Variants in NIBAN1 observed in about 807,000 individuals in gnomAD.
NIBAN1 encodes niban apoptosis regulator 1.
In NIBAN1, 81 loss-of-function variants were observed where a neutral mutation model predicts 75.1. The ratio of observed to expected loss-of-function variants is 1.08; its 90% CI spans 0.90 to 1.30. NIBAN1 has a LOEUF of 1.30. NIBAN1 is among the 50% of genes most tolerant of loss of function. The probability of loss-of-function intolerance (pLI) is 0.00; values close to 1 mark genes in which losing one functional copy is unlikely to be tolerated. For synonymous variants in NIBAN1, 436 were observed against 424.8 expected (o/e 1.03, Z -0.32); for missense variants, 1,133 against 1,128.1 (o/e 1.00, Z -0.06).
At chr1:184,960,623 ATGT>A (rs59022150) in intron 1 of NIBAN1, among the ~76,000 whole-genome samples, 12 of 150,224 alleles carry the variant, frequency 8.0e-5, no homozygotes, top group South Asian at 6.3e-4. Context: ...CAACAACAAA[ATGT>A]TGTTGTTGTT....
chr1:184,820,577 G>A (rs184114348), intron 8 of NIBAN1, among the ~76,000 whole-genome samples: 330 of 152,346 alleles, frequency 2.2e-3, no homozygotes, highest in African/African-American at 7.7e-3. Flanking sequence ...TAAGTTCCAT[G>A]TCCCATTCGT....
chr1:184,851,623 T>A (rs1655537223), intron 5 of NIBAN1, among the ~76,000 whole-genome samples: 4 of 15,614 alleles, frequency 2.6e-4, no homozygotes, highest in South Asian at 1.5e-3. Flanking sequence ...AAACTTAGAG[T>A]ATAATAAAAA....
chr1:184,862,871 G>C (rs906012726), intron 5 of NIBAN1, among the ~76,000 whole-genome samples: 19 of 151,652 alleles, frequency 1.3e-4, no homozygotes, highest in African/African-American at 4.4e-4. Context: ...AAGTTCAGGG[G>C]TAAAAGTGCA....
chr1:184,947,885 T>G (rs542869505), intron 1 of NIBAN1, among the ~76,000 whole-genome samples: 1 of 152,198 alleles, frequency 6.6e-6, no homozygotes. Context: ...CTTACCCCCT[T>G]GGTAAGGGCA....
chr1:184,960,961 C>T (rs980062971), intron 1 of NIBAN1, among the ~76,000 whole-genome samples: 1 of 151,486 alleles, frequency 6.6e-6, no homozygotes, highest in African/African-American at 2.4e-5. Context: ...CATCCCCTCC[C>T]ATCAAACCTC....
intron 1 of NIBAN1, among the ~76,000 whole-genome samples, chr1:184,920,227 T>C (rs965432278): frequency 2.6e-5 from 4 of 152,176 alleles, no homozygotes; most frequent in African/African-American, 9.7e-5. Context: ...CCAATTAACG[T>C]TTATGGCTAT....
intron 1 of NIBAN1, among the ~76,000 whole-genome samples, chr1:184,969,468 A>G (rs920912234): frequency 1.3e-5 from 2 of 152,162 alleles, no homozygotes; most frequent in Admixed American, 6.5e-5. Context: ...AGTGCCCTTC[A>G]CTTTGCCTCC....
chr1:184,792,018 A>T lies in NIBAN1; in HGVS notation c.*2959T>A, dbSNP rs1043209500. 3.3e-5 allele frequency: 5 copies of T among 151,930 alleles called. No homozygotes were observed. Among genetic ancestry groups the T allele is most frequent in the Admixed American group, 3.3e-4 (5 of 15,262 alleles). The allele number at this position is 151,930 out of a possible 1,614,324, so 9.4% of individuals were successfully genotyped here. Reference sequence around the variant, plus strand: ...GTTGCCCAAGCTGGAGTGCAGTGGTAAAATCATAGTTCACTGCAGCCTCAA... The same window carrying T: ...GTTGCCCAAGCTGGAGTGCAGTGGTTAAATCATAGTTCACTGCAGCCTCAA... On this transcript the variant is annotated 3_prime_UTR_variant, in exon 14 of 14. Coordinates refer to ENST00000367511, the MANE Select transcript of NIBAN1 (RefSeq NM_052966.4).
At chr1:184,876,908 T>C (rs954080401) in intron 5 of NIBAN1, among the ~76,000 whole-genome samples, 2 of 152,248 alleles carry the variant, frequency 1.3e-5, no homozygotes, top group South Asian at 4.1e-4. Flanking sequence ...AAAAATAACC[T>C]TGGTGCAAAA....
At chr1:184,870,712 A>G (rs952773645) in intron 5 of NIBAN1, among the ~76,000 whole-genome samples, 1 of 152,148 alleles carries the variant, frequency 6.6e-6, no homozygotes, top group Admixed American at 6.5e-5. Context: ...ACTTTTCAAC[A>G]TCATACAATT....
chr1:184,816,924 C>T lies in NIBAN1; in HGVS notation c.1173+1714G>A, dbSNP rs1255749381. 5.9e-5 allele frequency among the ~76,000 whole-genome samples: 9 copies of T among 151,890 alleles called. No homozygotes were observed. The South Asian group carries it at 1.0e-3, about 18-fold the overall frequency. ...TAAGTTCTAGGGTAAATGTGCACAA[C>T]GTGCAGGTTTGTTACATAGGTATAC... On this transcript the variant is annotated intron_variant, in intron 9 of 13. Coordinates refer to ENST00000367511, the MANE Select transcript of NIBAN1 (RefSeq NM_052966.4).
chr1:184,816,660 T>G (rs1654543603), intron 9 of NIBAN1, among the ~76,000 whole-genome samples: 1 of 152,062 alleles, frequency 6.6e-6, no homozygotes, highest in Non-Finnish European at 1.5e-5. Flanking sequence ...CCAGGTTTTG[T>G]TTTTCTCCTG....
intron 1 of NIBAN1, among the ~76,000 whole-genome samples, chr1:184,902,718 A>G (rs139773293): frequency 2.6e-5 from 4 of 152,194 alleles, no homozygotes; most frequent in Admixed American, 6.5e-5. Flanking sequence ...CCCTCAGTGC[A>G]TTCCTGAATT....
intron 1 of NIBAN1, among the ~76,000 whole-genome samples, chr1:184,914,571 T>A (rs1484701072): frequency 6.6e-6 from 1 of 152,180 alleles, no homozygotes; most frequent in Non-Finnish European, 1.5e-5. Flanking sequence ...TTCTCTTTAG[T>A]TTTTAAGATA....
intron 5 of NIBAN1, among the ~76,000 whole-genome samples, chr1:184,835,094 T>C (rs971449491): frequency 7.9e-5 from 12 of 152,220 alleles, no homozygotes; most frequent in African/African-American, 2.4e-4. Flanking sequence ...ATTTATTAAA[T>C]AGGGAATCTT....
At chr1:184,862,133 G>A (rs190760043) in intron 5 of NIBAN1, among the ~76,000 whole-genome samples, 10 of 152,052 alleles carry the variant, frequency 6.6e-5, no homozygotes, top group Admixed American at 5.9e-4. Flanking sequence ...TAGAAAAATC[G>A]CCCGCAGACC....
chr1:184,829,001 T>C (rs977512735), intron 6 of NIBAN1, among the ~76,000 whole-genome samples: 2 of 152,102 alleles, frequency 1.3e-5, no homozygotes, highest in African/African-American at 4.8e-5. Context: ...GGTCTTGCTA[T>C]GTTGCCCAGG....
chr1:184,897,001 C>T (rs1656817177), intron 2 of NIBAN1, among the ~76,000 whole-genome samples: 2 of 152,026 alleles, frequency 1.3e-5, no homozygotes, highest in Admixed American at 1.3e-4. Flanking sequence ...TGTTCCCTTG[C>T]TTGGGCGTGC....
chr1:184,938,604 C>T (rs1475932117), intron 1 of NIBAN1, among the ~76,000 whole-genome samples: 1 of 152,012 alleles, frequency 6.6e-6, no homozygotes, highest in Non-Finnish European at 1.5e-5. Context: ...TATTTTTCAG[C>T]TTTCAAGTGA....
Sources: allele counts gnomAD v4.1 joint callset (sites outside exome capture counted in the v4.1 genomes callset), GRCh38; gene constraint gnomAD v4.1.1; transcripts MANE v1.5; gene names NCBI Gene and HGNC (gene_info 2026-07-23, HGNC 2026-07-21).